TOP3B: variants seen among roughly 807,000 people sequenced by gnomAD.
TOP3B encodes DNA topoisomerase III beta.
Under a neutral mutation model 93.9 loss-of-function variants are expected in TOP3B, and 45 were observed. The ratio of observed to expected loss-of-function variants is 0.48; its 90% CI spans 0.38 to 0.61. The LOEUF (loss-of-function observed/expected upper bound fraction) is 0.61, where lower values mean the gene tolerates loss of function less well. Among genes scored for constraint, TOP3B ranks in the 20% least tolerant of loss-of-function variants. TOP3B has a pLI of 0.00. For synonymous variants in TOP3B, 357 were observed against 472.6 expected (o/e 0.76, Z 3.17); for missense variants, 750 against 1,156.1 (o/e 0.65, Z 5.09).
intron 2 of TOP3B, 179 bp downstream of exon 2, chr22:21,975,461 G>T: frequency 5.0e-6 from 3 of 598,326 alleles, no homozygotes; most frequent in Non-Finnish European, 7.9e-6. Context: ...CCCCAGCTTT[G>T]GCACATTGCC....
chr22:21,960,045 C>G (rs2071099256), intron 14 of TOP3B: 1 of 619,998 alleles, frequency 1.6e-6, no homozygotes. Context: ...TCCCCTTGGC[C>G]CCTGGGGAAC....
chr22:21,969,945 T>A (rs1004300813), intron 6 of TOP3B: 18 of 262,200 alleles, frequency 6.9e-5, no homozygotes, highest in African/African-American at 3.7e-4. Flanking sequence ...TTTTTTTTTT[T>A]TTTTTGTAGA....
chr22:21,973,506 G>C (rs1201592701), intron 3 of TOP3B: 1 of 133,088 alleles, frequency 7.5e-6, no homozygotes, highest in East Asian at 2.2e-4. Flanking sequence ...GACTAGTCTT[G>C]AACTCCTGGG....
At chr22:21,981,272 C>A (rs756392221) in intron 1 of TOP3B, among the ~76,000 whole-genome samples, 13 of 152,134 alleles carry the variant, frequency 8.5e-5, no homozygotes, top group Non-Finnish European at 1.8e-4. Context: ...TTTTATTGGC[C>A]TAGACTGGGA....
intron 7 of TOP3B, chr22:21,968,038 GCCA>G (rs1397598223): frequency 2.9e-6 from 1 of 340,556 alleles, no homozygotes; most frequent in African/African-American, 2.1e-5. Context: ...GGTAGGTATG[GCCA>G]CCGCCAGGGT....
Position 21,975,648 on chromosome 22 carries a change from A to G in TOP3B, c.62T>C (p.Leu21Pro). 6.2e-7 allele frequency: 1 copy of G among 1,611,602 alleles called. No homozygotes were observed. The change falls in exon 2 of 18, where the codon CTC becomes CCC. Residue 21 changes from leucine (L) to proline (P), a missense_variant. Leu to Pro is a moderately conservative substitution (Grantham distance 98, BLOSUM62 -3). Transcript: ENST00000357179. ...GGGCTGGTCTCTCCTACCTCTAGAG[A>G]GGATTTTGGCAATTGACTGTGCCAA... ...PSLAQSIAKI[L>P]SRGSLSSHKG...
intron 13 of TOP3B, chr22:21,962,131 G>C: frequency 8.2e-6 from 11 of 1,342,546 alleles, no homozygotes; most frequent in African/African-American, 1.5e-5. Context: ...GAGTCACCTG[G>C]CATCTGGGCC....
Position 21,975,866 on chromosome 22 carries a change from C to T in TOP3B, c.-98-59G>A, listed in dbSNP as rs190317076. 8.9e-4 allele frequency: 1,000 copies of T among 1,121,318 alleles called. 3 individuals are homozygous for T. The highest frequency in any genetic ancestry group is 9.3e-4 in the Non-Finnish European group (822 of 883,682). The allele number at this position is 1,121,318 out of a possible 1,614,324, so 69.5% of individuals were successfully genotyped here. Reference sequence around the variant, plus strand: ...GCTGTCAATAGAACCTACACCACTACAAGGAAAATCACTTTAACAAAGAAA... The same window carrying T: ...GCTGTCAATAGAACCTACACCACTATAAGGAAAATCACTTTAACAAAGAAA... On this transcript the variant is annotated intron_variant, in intron 1 of 17. Transcript: ENST00000357179.
rs2071125145 is a variant in TOP3B, at chr22:21,960,458, T to C, written c.1526-9A>G. The C allele has an allele frequency of 1.2e-6, 2 of 1,613,208 alleles. No individual in the cohort carries two copies. Among genetic ancestry groups the C allele is most frequent in the Middle Eastern group, 3.3e-4 (2 of 6,050 alleles). ...GATGCTGGCATCCGTGCCTGCAATG[T>C]ACAAGGCCCCAGGGTTCCTGGCCTG... On this transcript the variant is annotated splice_polypyrimidine_tract_variant and intron_variant, in intron 13 of 17. Coordinates refer to ENST00000357179, the MANE Select transcript of TOP3B (RefSeq NM_001282112.2).
intron 1 of TOP3B, chr22:21,982,073 C>T (rs902985995): frequency 6.6e-6 from 1 of 152,208 alleles, no homozygotes; most frequent in African/African-American, 2.4e-5. Context: ...ACAAGTCACA[C>T]TAGTGTCAGG....
intron 13 of TOP3B, chr22:21,962,071 C>T: frequency 8.4e-7 from 1 of 1,184,080 alleles, no homozygotes; most frequent in Non-Finnish European, 1.1e-6. Flanking sequence ...GATTTCAGGA[C>T]AGCCCAGGCT....
rs201232519 is a variant in TOP3B at position 21,968,647 on chromosome 22, G to A, written c.710C>T (p.Pro237Leu). The change falls in exon 7 of 18, where the codon CCA (proline) becomes CTA (leucine). Residue 237 changes from proline (P) to leucine (L), a missense_variant. Around this residue, in one of 4 missense-constraint regions of TOP3B, gnomAD observed 737 missense variants for 933.7 expected, o/e 0.79. Coordinates refer to ENST00000357179, the MANE Select transcript of TOP3B (RefSeq NM_001282112.2). ...ERHDKIQSFK[P>L]ETYWVLQAKV... The stretch of plus-strand genomic sequence containing the variant: ...GGCCTGCAGCACCCAGTAGGTCTCT[G>A]GTTTGAAGGACTGGATTTTATCATG... The A allele has an allele frequency of 1.2e-5, 20 of 1,614,220 alleles. No individual in the cohort carries two copies. Among genetic ancestry groups the A allele is most frequent in the East Asian group, 2.2e-5 (1 of 44,890 alleles).
intron 7 of TOP3B, 159 bp downstream of exon 7, chr22:21,968,459 TG>T: frequency 1.3e-6 from 1 of 792,960 alleles, no homozygotes; most frequent in Non-Finnish European, 2.0e-6. Context: ...CCATGAAGGC[TG>T]GGGTCCCTCA....
chr22:21,980,306 C>A (rs1351148354), intron 1 of TOP3B, among the ~76,000 whole-genome samples: 1 of 152,120 alleles, frequency 6.6e-6, no homozygotes, highest in Non-Finnish European at 1.5e-5. Flanking sequence ...GACTGAGGGA[C>A]AAGAACTAAG....
chr22:21,962,180 C>T, intron 13 of TOP3B: 8 of 1,435,420 alleles, frequency 5.6e-6, no homozygotes, highest in Non-Finnish European at 7.3e-6. Context: ...TGTGTGCACA[C>T]CCCACAGTGC....
Position 21,957,809 on chromosome 22 carries a change from C to G in TOP3B, c.2108-214G>C, listed in dbSNP as rs919954499. On this transcript the variant is annotated intron_variant, in intron 17 of 17. Coordinates refer to ENST00000357179, the MANE Select transcript of TOP3B (RefSeq NM_001282112.2). ...CTGAAACCTCCTCAACTTTCAAGGC[C>G]CCTCGCTGGCACCATCCCAGTGGGT... The G allele has an allele frequency of 3.2e-5, 49 of 1,532,340 alleles. 1 individual carries two copies. The African/African-American group carries it at 5.9e-4, about 18-fold the overall frequency. The allele number at this position is 1,532,340 out of a possible 1,614,324, so 94.9% of individuals were successfully genotyped here.
intron 8 of TOP3B, chr22:21,966,314 G>C (rs928318378): frequency 1.4e-4 from 21 of 151,562 alleles, no homozygotes; most frequent in African/African-American, 4.8e-4. Context: ...TCTAGGGAAA[G>C]AGAAAACCTG....
chr22:21,970,599 G>A lies in TOP3B; in HGVS notation c.385-193C>T. 1 of 621,640 alleles carries A rather than the reference G, an allele frequency of 1.6e-6. No homozygotes were observed. Among genetic ancestry groups the A allele is most frequent in the Non-Finnish European group, 2.8e-6 (1 of 356,700 alleles). The allele number at this position is 621,640 out of a possible 1,614,324, so 38.5% of individuals were successfully genotyped here. ...CCTCTATCCCCCTGCCTTTCCAGAA[G>A]CCCTGAGCACTCCACAACACCCCAC... On this transcript the variant is annotated intron_variant, in intron 5 of 17. Coordinates refer to ENST00000357179, the MANE Select transcript of TOP3B (RefSeq NM_001282112.2). This position sits in a 1 kb window ranked among gnomAD's most constrained non-coding sequence, Gnocchi z 4.4.
Position 21,970,932 on chromosome 22 carries a change from G to A in TOP3B, c.385-526C>T. On this transcript the variant is annotated intron_variant, in intron 5 of 17. Transcript: ENST00000357179. This position sits in a 1 kb window ranked among gnomAD's most constrained non-coding sequence, Gnocchi z 4.4. ...CACGGGTGGTCCTAGCTTGTGGTGG[G>A]GGCAGCTCGGGCTAAAGCACAGCAG... is the stretch of plus-strand genomic sequence containing the variant. The A allele has an allele frequency of 9.2e-7, 1 of 1,082,790 alleles. No individual in the cohort carries two copies. Among genetic ancestry groups the A allele is most frequent in the Non-Finnish European group, 1.2e-6 (1 of 861,982 alleles). 67.1% of individuals were successfully genotyped at this position (1,082,790 alleles called of 1,614,324 possible).
Sources: allele counts gnomAD v4.1 joint callset (sites outside exome capture counted in the v4.1 genomes callset), GRCh38; gene constraint gnomAD v4.1.1; regional missense constraint gnomAD v4.1.1; non-coding constraint Gnocchi (gnomAD v3.1); transcripts MANE v1.5; gene names NCBI Gene and HGNC (gene_info 2026-07-23, HGNC 2026-07-21).